The following PRKCH variants were observed in gnomAD, a reference collection of about 807,000 sequenced individuals.
PRKCH encodes the protein protein kinase C eta type.
PRKCH carries 28 observed loss-of-function variants against 82.5 expected under a neutral mutation model. The observed-to-expected ratio is 0.34, with a 90% CI of 0.25 to 0.47. PRKCH has a LOEUF of 0.47. Among genes scored for constraint, PRKCH ranks in the 20% least tolerant of loss-of-function variants. The probability of loss-of-function intolerance (pLI) is 1.00; values close to 1 mark genes in which losing one functional copy is unlikely to be tolerated. For missense variants in PRKCH, 705 were observed against 881.8 expected, an observed-to-expected ratio of 0.80 and a Z score of 2.54; for synonymous variants, 322 against 327.4, an observed-to-expected ratio of 0.98 and a Z score of 0.18.
At chr14:61,420,736 C>T (rs1011104630) in intron 2 of PRKCH, among the ~76,000 whole-genome samples, 3 of 152,176 alleles carry the variant, frequency 2.0e-5, no homozygotes, top group African/African-American at 7.2e-5. Flanking sequence ...GATCTATCTG[C>T]AGATCTCCAG....
intron 1 of PRKCH, among the ~76,000 whole-genome samples, chr14:61,247,468 G>A (rs1039769659): frequency 3.3e-5 from 5 of 152,098 alleles, no homozygotes; most frequent in Non-Finnish European, 7.4e-5. Flanking sequence ...AGGCATGGTG[G>A]CTCACGCCTG....
At chr14:61,425,262 G>A (rs1883050210) in intron 2 of PRKCH, among the ~76,000 whole-genome samples, 1 of 152,116 alleles carries the variant, frequency 6.6e-6, no homozygotes, top group Non-Finnish European at 1.5e-5. Context: ...TGCTTGCACT[G>A]GGCACCTGAA....
chr14:61,399,555 G>A (rs2140215102), intron 2 of PRKCH, among the ~76,000 whole-genome samples: 1 of 152,260 alleles, frequency 6.6e-6, no homozygotes, highest in Admixed American at 6.5e-5. Context: ...GGTAGGAACA[G>A]GTGAGTAAGA....
intron 2 of PRKCH, among the ~76,000 whole-genome samples, chr14:61,413,209 A>C (rs905354162): frequency 2.6e-5 from 4 of 151,876 alleles, no homozygotes; most frequent in African/African-American, 9.7e-5. Flanking sequence ...CTAATTACAA[A>C]GTGTACCTCT....
intron 1 of PRKCH, among the ~76,000 whole-genome samples, chr14:61,363,445 A>G (rs189253296): frequency 6.6e-6 from 1 of 152,280 alleles, no homozygotes; most frequent in African/African-American, 2.4e-5. Flanking sequence ...TGAGAAGTAC[A>G]CAAGATTTGG....
intron 1 of PRKCH, among the ~76,000 whole-genome samples, chr14:61,345,044 C>G (rs148647236): frequency 2.8e-3 from 420 of 152,250 alleles, no homozygotes; most frequent in African/African-American, 9.3e-3. Context: ...AGGCTGTATA[C>G]TCATTCACCC....
intron 1 of PRKCH, among the ~76,000 whole-genome samples, chr14:61,333,957 G>A (rs1381852869): frequency 2.0e-5 from 3 of 152,108 alleles, no homozygotes; most frequent in East Asian, 1.9e-4. Context: ...CTGGGTCCCC[G>A]TGACCCAGCA....
chr14:61,419,546 A>C (rs11158344), intron 2 of PRKCH, among the ~76,000 whole-genome samples: 29,509 of 152,196 alleles, frequency 0.19, 3,262 homozygotes, highest in Admixed American at 0.34. Flanking sequence ...CTGGGGAGCA[A>C]GATCACCTCC....
chr14:61,505,603 G>A (rs1448469772), intron 10 of PRKCH, among the ~76,000 whole-genome samples: 2 of 151,496 alleles, frequency 1.3e-5, no homozygotes, highest in African/African-American at 2.4e-5. Flanking sequence ...TCGAACTCCC[G>A]ACCTCAGGTG....
intron 1 of PRKCH, among the ~76,000 whole-genome samples, chr14:61,227,529 G>A (rs2044706662): frequency 6.6e-6 from 1 of 152,208 alleles, no homozygotes; most frequent in African/African-American, 2.4e-5. Flanking sequence ...GGGAGGCAGA[G>A]CTTGTAGTGA....
At chr14:61,524,004 G>A (rs545446873) in intron 10 of PRKCH, among the ~76,000 whole-genome samples, 15 of 152,240 alleles carry the variant, frequency 9.9e-5, no homozygotes, top group Middle Eastern at 3.4e-3. Flanking sequence ...CCCTACTTTT[G>A]TCTGTTTTGA....
At position 61,280,791 on chromosome 14, in the gene PRKCH, C is replaced by G. The variant is rs1566805166; in HGVS notation, c.-19+93123C>G. ...GGGACACGCCGTAGCGCCGGTTGTTCTGGTAGAAGTTGGTCAGCTCGTAGT... is the reference window on the plus strand; with the variant it reads ...GGGACACGCCGTAGCGCCGGTTGTTGTGGTAGAAGTTGGTCAGCTCGTAGT... On this transcript the variant is annotated intron_variant, in intron 1 of 3. Coordinates refer to the PRKCH transcript ENST00000555185. This position sits in a 1 kb window ranked among gnomAD's most constrained non-coding sequence, Gnocchi z 5.0. 6.4e-7 allele frequency: 1 copy of G among 1,558,326 alleles called. No individual in the cohort carries two copies. Among genetic ancestry groups the G allele is most frequent in the South Asian group, 1.2e-5 (1 of 83,260 alleles).
At chr14:61,281,391 T>C in intron 1 of PRKCH, 1 of 333,926 alleles carries the variant, frequency 3.0e-6, no homozygotes, top group African/African-American at 2.2e-5. Context: ...CCCCCGCGGG[T>C]CACCGGGAGC....
At chr14:61,373,006 C>G (rs1211332808) in intron 1 of PRKCH, among the ~76,000 whole-genome samples, 1 of 151,946 alleles carries the variant, frequency 6.6e-6, no homozygotes, top group African/African-American at 2.4e-5. Context: ...CCAGTTGCAC[C>G]TGCTGAGAGA....
chr14:61,266,276 G>T (rs1268126229), intron 1 of PRKCH, among the ~76,000 whole-genome samples: 1 of 146,572 alleles, frequency 6.8e-6, no homozygotes, highest in Non-Finnish European at 1.5e-5. Context: ...AAATTAGCTG[G>T]GTGTGATGGC....
intron 3 of PRKCH, among the ~76,000 whole-genome samples, chr14:61,445,045 T>C (rs1884156577): frequency 6.6e-6 from 1 of 152,254 alleles, no homozygotes; most frequent in South Asian, 2.1e-4. Flanking sequence ...TATCAGCTGC[T>C]TGGTTCAGTG....
At chr14:61,439,197 T>G (rs1346862329) in intron 2 of PRKCH, among the ~76,000 whole-genome samples, 1 of 152,218 alleles carries the variant, frequency 6.6e-6, no homozygotes, top group Non-Finnish European at 1.5e-5. Flanking sequence ...TTTAGTCCTT[T>G]TAACTCAGTC....
Position 61,391,291 on chromosome 14 carries a change from A to G in PRKCH, c.427+3A>G, listed in dbSNP as rs2140201952. 1.2e-6 allele frequency: 2 copies of G among 1,606,958 alleles called. No homozygotes were observed. Among genetic ancestry groups the G allele is most frequent in the Middle Eastern group, 3.3e-4 (2 of 6,050 alleles). On this transcript the variant is annotated splice_donor_region_variant and intron_variant, in intron 2 of 13. Coordinates refer to ENST00000332981, the MANE Select transcript of PRKCH (RefSeq NM_006255.5). ...CCTTACCGGGAGTTTCACTGAAGGT[A>G]AGAATGAGTTTTGGGTAGTTTCCAG...
At chr14:61,474,258 G>A (rs1170246470) in intron 9 of PRKCH, among the ~76,000 whole-genome samples, 1 of 152,256 alleles carries the variant, frequency 6.6e-6, no homozygotes, top group African/African-American at 2.4e-5. Flanking sequence ...GAACCTGTCT[G>A]AACTCCACTT....
Sources: gnomAD v4.1 joint callset for allele counts (sites outside exome capture counted in the v4.1 genomes callset) on GRCh38, gnomAD v4.1.1 for gene constraint, Gnocchi (gnomAD v3.1) non-coding constraint, MANE v1.5 for transcripts, NCBI Gene and HGNC (gene_info 2026-07-23, HGNC 2026-07-21) for gene names.